CYLD: variants seen among roughly 807,000 people sequenced by gnomAD.
CYLD encodes the protein ubiquitin carboxyl-terminal hydrolase CYLD.
CYLD carries 26 observed loss-of-function variants against 104.5 expected under a neutral mutation model. That is an observed-to-expected ratio of 0.25 (90% CI 0.18 to 0.35). The LOEUF (loss-of-function observed/expected upper bound fraction) is 0.35. CYLD is among the 10% of genes least tolerant of loss of function. The pLI, the probability that CYLD is intolerant of heterozygous loss-of-function variation, is 1.00. For synonymous variants in CYLD, 385 were observed against 399.9 expected (o/e 0.96, Z 0.45); for missense variants, 703 against 1,136.1 (o/e 0.62, Z 5.48).
chr16:50,757,205 T>G (rs1357301599), intron 5 of CYLD, among the ~76,000 whole-genome samples: 1 of 152,160 alleles, frequency 6.6e-6, no homozygotes, highest in Admixed American at 6.6e-5. Flanking sequence ...GTGCACTGTT[T>G]GCGCTTCCTG....
intron 2 of CYLD, among the ~76,000 whole-genome samples, chr16:50,745,907 A>G (rs1036039428): frequency 6.6e-6 from 1 of 152,220 alleles, no homozygotes; most frequent in Non-Finnish European, 1.5e-5. Flanking sequence ...TACTATGCAC[A>G]TCCCAGTGAA....
intron 5 of CYLD, among the ~76,000 whole-genome samples, chr16:50,766,852 G>A (rs896509375): frequency 1.1e-4 from 17 of 152,168 alleles, no homozygotes; most frequent in African/African-American, 2.7e-4. Context: ...AAACTTGAGC[G>A]GATGAAGAAA....
chr16:50,797,110 TTTTCTA>T lies in CYLD; in HGVS notation c.*606_*611del, dbSNP rs1972117463. 3 of 234,078 alleles carry T rather than the reference TTTTCTA, an allele frequency of 1.3e-5. No individual in the cohort carries two copies. The highest frequency in any genetic ancestry group is 5.6e-5 in the Admixed American group (1 of 18,006). The allele number at this position is 234,078 out of a possible 1,614,324, so 14.5% of individuals were successfully genotyped here. A position where few individuals can be genotyped will look rare whatever the true frequency, so the allele number is the denominator to read the frequency against. On this transcript the variant is annotated 3_prime_UTR_variant, in exon 19 of 19. Coordinates refer to ENST00000427738, the MANE Select transcript of CYLD (RefSeq NM_001378743.1). ...TACTTAAATTCCCTTAATGGTGTTG[TTTTCTA>T]TTTGTTCTGGTTTTGAGATAAATGA...
intron 5 of CYLD, among the ~76,000 whole-genome samples, chr16:50,754,721 TAC>T (rs1019055670): frequency 4.0e-5 from 6 of 151,372 alleles, no homozygotes; most frequent in African/African-American, 1.5e-4. Context: ...AGTGAGAACA[TAC>T]AGTGTTTGGC....
chr16:50,777,907 A>G lies in CYLD; in HGVS notation c.1104A>G (p.Gln368=). The change falls in exon 8 of 19, where the codon CAA becomes CAG. Residue 368 remains glutamine, a synonymous_variant. Transcript: ENST00000427738. Reference sequence around the variant, plus strand: ...GGTCTTCTGTTGACTCACAACCACAATCCAAATCAAAAAATACATGGTACA... The same window carrying G: ...GGTCTTCTGTTGACTCACAACCACAGTCCAAATCAAAAAATACATGGTACA... ...LNGSSVDSQP[Q]SKSKNTWYID... is the part of the protein sequence containing the mutation. 1.9e-6 allele frequency: 3 copies of G among 1,596,492 alleles called. No individual in the cohort carries two copies. Among genetic ancestry groups the G allele is most frequent in the Non-Finnish European group, 2.6e-6 (3 of 1,164,386 alleles).
rs138778483 is a variant in CYLD at position 50,771,368 on chromosome 16, T to C, written c.914-3798T>C. On this transcript the variant is annotated intron_variant, in intron 5 of 18. Coordinates refer to ENST00000427738, the MANE Select transcript of CYLD (RefSeq NM_001378743.1). ...TAACCTTCTTTATGGTTGAATAATA[T>C]TCCAATAAATGGATCTGCCGTATTT... 1.5e-4 allele frequency among the ~76,000 whole-genome samples: 22 copies of C among 151,120 alleles called. No individual in the cohort carries two copies. The East Asian group carries it at 3.9e-3, about 26-fold the overall frequency.
Position 50,800,818 on chromosome 16 carries a change from A to G in CYLD, c.*4310A>G, listed in dbSNP as rs1185481457. 1 of 233,266 alleles carries G rather than the reference A, an allele frequency of 4.3e-6. No homozygotes were observed. Among genetic ancestry groups the G allele is most frequent in the East Asian group, 6.0e-5 (1 of 16,720 alleles). 14.4% of individuals were successfully genotyped at this position (233,266 alleles called of 1,614,324 possible). A position where few individuals can be genotyped will look rare whatever the true frequency, so the allele number is the denominator to read the frequency against. On this transcript the variant is annotated 3_prime_UTR_variant, in exon 19 of 19. Coordinates refer to ENST00000427738, the MANE Select transcript of CYLD (RefSeq NM_001378743.1). ...AATTTAAAATAATACTCCTTTCTCT[A>G]GGGTTTGGTGCAATTCTCCATTAAT...
intron 11 of CYLD, chr16:50,784,098 C>G: frequency 2.2e-6 from 1 of 465,020 alleles, no homozygotes. Flanking sequence ...CTGCCGTTTG[C>G]TTTCTCAGTA....
chr16:50,760,915 A>T (rs888742727), intron 5 of CYLD, among the ~76,000 whole-genome samples: 2 of 152,186 alleles, frequency 1.3e-5, no homozygotes, highest in African/African-American at 4.8e-5. Flanking sequence ...TGCCAGTAGA[A>T]TACAAGGGGG....
At position 50,797,610 on chromosome 16, in the gene CYLD, G is replaced by A. The variant is rs141088048; in HGVS notation, c.*1102G>A. Reference sequence around the variant, plus strand: ...CCATAGTGTGTGTTTAGACCACAGCGGATGTTGTAGACCAGGACCATAGAT... The same window carrying A: ...CCATAGTGTGTGTTTAGACCACAGCAGATGTTGTAGACCAGGACCATAGAT... On this transcript the variant is annotated 3_prime_UTR_variant, in exon 19 of 19. Transcript: ENST00000427738. 8 of 232,784 alleles carry A rather than the reference G, an allele frequency of 3.4e-5. No individual in the cohort carries two copies. The highest frequency in any genetic ancestry group is 1.8e-4 in the East Asian group (3 of 16,568). The allele number at this position is 232,784 out of a possible 1,614,324, so 14.4% of individuals were successfully genotyped here. A position where few individuals can be genotyped will look rare whatever the true frequency, so the allele number is the denominator to read the frequency against.
intron 3 of CYLD, 106 bp downstream of exon 3, chr16:50,750,308 C>T (rs1402388468): frequency 3.8e-6 from 5 of 1,304,350 alleles, no homozygotes; most frequent in African/African-American, 2.9e-5. Context: ...AATAAATTTT[C>T]CCAAGAGTCT....
At chr16:50,747,508 A>G (rs374723905) in intron 2 of CYLD, among the ~76,000 whole-genome samples, 55 of 152,354 alleles carry the variant, frequency 3.6e-4, no homozygotes, top group Non-Finnish European at 6.9e-4. Context: ...TGATACATCA[A>G]TGATCAAGAA....
intron 14 of CYLD, among the ~76,000 whole-genome samples, chr16:50,788,896 C>T (rs1971126569): frequency 6.6e-6 from 1 of 151,916 alleles, no homozygotes; most frequent in East Asian, 1.9e-4. Context: ...AAGACTTATA[C>T]AGAGCTAAAA....
Position 50,782,543 on chromosome 16 carries a change from CGT to C in CYLD, c.1826+81_1826+82del. ...ACATACCGGTGTGTGTGTGTGTGTG[CGT>C]GTGAGTGTGTGTGAAAGAAACTGCC... On this transcript the variant is annotated intron_variant, in intron 11 of 18. Transcript: ENST00000427738. 6 of 1,221,596 alleles carry C rather than the reference CGT, an allele frequency of 4.9e-6. No homozygotes were observed. In the South Asian group the frequency reaches 9.9e-5, roughly 20 times the overall value. The allele number at this position is 1,221,596 out of a possible 1,614,324, so 75.7% of individuals were successfully genotyped here.
chr16:50,763,206 G>A (rs533377835), intron 5 of CYLD, among the ~76,000 whole-genome samples: 5 of 152,206 alleles, frequency 3.3e-5, no homozygotes, highest in Non-Finnish European at 5.9e-5. Context: ...CAGAATTTCC[G>A]TCCTTCTTAA....
chr16:50,786,535 G>A (rs998089519), intron 12 of CYLD: 27 of 233,784 alleles, frequency 1.2e-4, no homozygotes, highest in Non-Finnish European at 1.5e-4. Flanking sequence ...CGAGGTGGGC[G>A]GATCACTTGA....
At position 50,800,377 on chromosome 16, in the gene CYLD, A is replaced by T. The variant is rs910593386; in HGVS notation, c.*3869A>T. ...TGTGATTTTGTGGTCATGTAACGTT[A>T]CTGTATTATTCTACGTAAATGTGGG... is the stretch of plus-strand genomic sequence containing the variant. On this transcript the variant is annotated 3_prime_UTR_variant, in exon 19 of 19. Transcript: ENST00000427738. The T allele has an allele frequency of 4.3e-6, 1 of 233,224 alleles. No individual in the cohort carries two copies. The highest frequency in any genetic ancestry group is 8.5e-6 in the Non-Finnish European group (1 of 118,010). 14.4% of individuals were successfully genotyped at this position (233,224 alleles called of 1,614,324 possible).
chr16:50,789,410 T>C (rs987392226), intron 14 of CYLD, among the ~76,000 whole-genome samples: 6 of 152,218 alleles, frequency 3.9e-5, no homozygotes, highest in Non-Finnish European at 7.3e-5. Flanking sequence ...ACTTATGGAA[T>C]GTAATACACG....
In CYLD at chr16:50,751,730, G is replaced by A. The variant is rs2150903743; in HGVS notation, c.631G>A (p.Ala211Thr). ...AGAACTCATAGAAGATGATGACACTGCATTGGAAAGTGATTACGCAGGTCC... is the reference window on the plus strand; with the variant it reads ...AGAACTCATAGAAGATGATGACACTACATTGGAAAGTGATTACGCAGGTCC... Reference protein sequence around the residue: ...KLELIEDDDTALESDYAGPGD... With the variant: ...KLELIEDDDTTLESDYAGPGD... The change falls in exon 4 of 19, where the codon GCA (alanine) becomes ACA (threonine). Residue 211 changes from alanine to threonine, a missense_variant. Physicochemically the swap from Ala to Thr is moderately conservative, Grantham distance 58. This residue lies in a region of CYLD where 123 missense variants were observed against 213.3 expected (regional missense o/e 0.58). Coordinates refer to ENST00000427738, the MANE Select transcript of CYLD (RefSeq NM_001378743.1). 1 of 1,613,774 alleles carries A rather than the reference G, an allele frequency of 6.2e-7. No individual in the cohort carries two copies. Among genetic ancestry groups the A allele is most frequent in the Non-Finnish European group, 8.5e-7 (1 of 1,179,828 alleles).
Sources: gnomAD v4.1 joint callset for allele counts (sites outside exome capture counted in the v4.1 genomes callset) on GRCh38, gnomAD v4.1.1 for gene constraint, gnomAD v4.1.1 regional missense constraint, MANE v1.5 for transcripts, NCBI Gene and HGNC (gene_info 2026-07-23, HGNC 2026-07-21) for gene names.